ZMYND8: variants seen among roughly 807,000 people sequenced by gnomAD.
The protein encoded by ZMYND8 is zinc finger MYND-type containing 8.
ZMYND8 carries 37 observed loss-of-function variants against 140.8 expected under a neutral mutation model. That is an observed-to-expected ratio of 0.26 (90% CI 0.20 to 0.35). ZMYND8 has a LOEUF of 0.35. Among genes scored for constraint, ZMYND8 ranks in the 10% least tolerant of loss-of-function variants. ZMYND8 has a pLI of 1.00. For missense variants in ZMYND8, 1,068 were observed against 1,570.0 expected (o/e 0.68, Z 5.40); for synonymous variants, 592 against 597.1 (o/e 0.99, Z 0.12).
chr20:47,242,108 C>T (rs1453358488), intron 14 of ZMYND8, among the ~76,000 whole-genome samples: 2 of 152,142 alleles, frequency 1.3e-5, no homozygotes, highest in Non-Finnish European at 2.9e-5. Flanking sequence ...TGAGCCGCTG[C>T]GCCCGGCCTA....
chr20:47,278,618 G>A (rs754655883), intron 10 of ZMYND8, among the ~76,000 whole-genome samples: 1 of 151,834 alleles, frequency 6.6e-6, no homozygotes, highest in Non-Finnish European at 1.5e-5. Context: ...TGCAAGTCTC[G>A]GTGACACCAG....
At chr20:47,238,110 C>T (rs2039470010) in intron 15 of ZMYND8, 1 of 152,970 alleles carries the variant, frequency 6.5e-6, no homozygotes, top group South Asian at 2.1e-4. Context: ...TGCAGCACTG[C>T]TCACAGTAGA....
At chr20:47,258,191 A>C (rs912564706) in intron 12 of ZMYND8, among the ~76,000 whole-genome samples, 1 of 152,142 alleles carries the variant, frequency 6.6e-6, no homozygotes, top group Admixed American at 6.6e-5. Flanking sequence ...CCTGACCCCC[A>C]AAAAAGCTGA....
At chr20:47,261,550 TATCATCATCATCATCATC>T (rs10563094) in intron 12 of ZMYND8, among the ~76,000 whole-genome samples, 17 of 118,702 alleles carry the variant, frequency 1.4e-4, no homozygotes, top group Admixed American at 6.6e-4. Flanking sequence ...AAAAAACAGT[TATCATCATCATCATCATC>T]ATCATCATCA....
intron 3 of ZMYND8, among the ~76,000 whole-genome samples, chr20:47,307,392 A>G (rs2078574407): frequency 6.6e-6 from 1 of 152,016 alleles, no homozygotes; most frequent in African/African-American, 2.4e-5. Flanking sequence ...CAGGAGGCAG[A>G]GGTTGCAGTG....
intron 1 of ZMYND8, chr20:47,351,683 G>A (rs1405035973): frequency 1.0e-6 from 1 of 985,240 alleles, no homozygotes; most frequent in African/African-American, 1.7e-5. Context: ...GGAATGGTTA[G>A]CAGAGCAGCT....
chr20:47,242,735 A>G (rs2147243385), intron 14 of ZMYND8, among the ~76,000 whole-genome samples: 1 of 152,310 alleles, frequency 6.6e-6, no homozygotes, highest in East Asian at 1.9e-4. Context: ...ACAATCCGAT[A>G]AGATTCCAGG....
intron 11 of ZMYND8, among the ~76,000 whole-genome samples, chr20:47,273,309 A>C (rs1263978980): frequency 6.6e-6 from 1 of 152,074 alleles, no homozygotes; most frequent in East Asian, 1.9e-4. Flanking sequence ...ACCTCGGGAG[A>C]CTGAGGCGGG....
intron 2 of ZMYND8, among the ~76,000 whole-genome samples, chr20:47,345,811 CTTT>C (rs1375805198): frequency 1.2e-5 from 1 of 85,762 alleles, no homozygotes; most frequent in Non-Finnish European, 2.4e-5. Flanking sequence ...ACTCTGTCCA[CTTT>C]TTTTTTTTTA....
intron 15 of ZMYND8, chr20:47,237,492 G>A (rs1474430175): frequency 6.6e-6 from 1 of 152,024 alleles, no homozygotes; most frequent in Non-Finnish European, 1.5e-5. Context: ...CCCTGGGGAA[G>A]TCTCCTGCTT....
chr20:47,298,591 G>GA lies in ZMYND8; in HGVS notation c.453+137dup. 6.8e-7 allele frequency: 1 copy of GA among 1,477,224 alleles called. No individual in the cohort carries two copies. The highest frequency in any genetic ancestry group is 9.0e-7 in the Non-Finnish European group (1 of 1,113,870). The allele number at this position is 1,477,224 out of a possible 1,614,324, so 91.5% of individuals were successfully genotyped here. ...TGCCGGTGTTGGTCAAGAAGGGGGT[G>GA]ACCAGGATAGAACAGGTGGAAAGCA... On this transcript the variant is annotated intron_variant, in intron 4 of 22. Coordinates refer to ENST00000471951, the MANE Select transcript of ZMYND8 (RefSeq NM_001281775.3). This position sits in a 1 kb window ranked among gnomAD's most constrained non-coding sequence, Gnocchi z 5.0.
intron 2 of ZMYND8, chr20:47,318,457 A>C: frequency 2.9e-6 from 1 of 340,032 alleles, no homozygotes; most frequent in African/African-American, 2.1e-5. Flanking sequence ...CCAACCAGTA[A>C]TTACATCATA....
intron 10 of ZMYND8, among the ~76,000 whole-genome samples, chr20:47,279,425 G>A (rs1257874286): frequency 6.6e-6 from 1 of 151,586 alleles, no homozygotes; most frequent in Admixed American, 6.6e-5. Flanking sequence ...GCAACAAAGC[G>A]AGACCCCGCC....
At position 47,236,200 on chromosome 20, in the gene ZMYND8, A is replaced by T. The variant is rs181064111; in HGVS notation, c.2856+126T>A. 3.8e-4 allele frequency: 433 copies of T among 1,148,488 alleles called. 2 individuals carry two copies. The African/African-American group carries it at 6.1e-3, about 16-fold the overall frequency. 71.1% of individuals were successfully genotyped at this position (1,148,488 alleles called of 1,614,324 possible). On this transcript the variant is annotated intron_variant, in intron 16 of 22. Transcript: ENST00000471951. ...CGTGGTCTTGGAGATTCTGTTTTTA[A>T]AAAAAAGGGTCTTCACTCCCTAAAG...
chr20:47,246,133 G>C lies in ZMYND8; in HGVS notation c.2159C>G (p.Thr720Arg). ...LKGKDETDSP[T>R]VHLGLDSDSE... ...ATCAGAGTCCAGGCCCAAATGGACT[G>C]TTGGGGAATCCGTCTCATCTTTTCC... The change falls in exon 14 of 23, where the codon ACA becomes AGA. Residue 720 changes from threonine to arginine, a missense_variant. Physicochemically the swap from Thr to Arg is moderately conservative, Grantham distance 71. Around this residue, in one of 10 missense-constraint regions of ZMYND8, gnomAD observed 383 missense variants for 431.2 expected, o/e 0.89. Coordinates refer to ENST00000471951, the MANE Select transcript of ZMYND8 (RefSeq NM_001281775.3). 6.2e-7 allele frequency: 1 copy of C among 1,614,222 alleles called. No homozygotes were observed. The highest frequency in any genetic ancestry group is 8.5e-7 in the Non-Finnish European group (1 of 1,180,044).
intron 7 of ZMYND8, 35 bp downstream of exon 7, chr20:47,290,152 C>T: frequency 6.3e-7 from 1 of 1,591,852 alleles, no homozygotes; most frequent in Non-Finnish European, 8.6e-7. Context: ...ACATACACAG[C>T]ATACTCTTTC....
chr20:47,221,487 G>T lies in ZMYND8; in HGVS notation c.3257-13C>A. On this transcript the variant is annotated splice_polypyrimidine_tract_variant and intron_variant, in intron 19 of 22. Transcript: ENST00000471951. Reference sequence around the variant, plus strand: ...TGAGGAGCAGTAGCTGGGGACAAAGGAGAGAGAGAGACGCCACATATACAC... The same window carrying T: ...TGAGGAGCAGTAGCTGGGGACAAAGTAGAGAGAGAGACGCCACATATACAC... The T allele has an allele frequency of 6.2e-7, 1 of 1,607,282 alleles. No individual in the cohort carries two copies. Among genetic ancestry groups the T allele is most frequent in the South Asian group, 1.1e-5 (1 of 90,584 alleles).
intron 11 of ZMYND8, among the ~76,000 whole-genome samples, chr20:47,270,573 G>A (rs2075856302): frequency 6.6e-6 from 1 of 151,042 alleles, no homozygotes; most frequent in South Asian, 2.1e-4. Flanking sequence ...GTACATAAAA[G>A]TTGATAGCTG....
At chr20:47,243,293 G>T (rs1046670568) in intron 14 of ZMYND8, among the ~76,000 whole-genome samples, 6 of 152,168 alleles carry the variant, frequency 3.9e-5, no homozygotes, top group Non-Finnish European at 8.8e-5. Flanking sequence ...TCTGACACGA[G>T]AATTTTTCAA....
Sources: gnomAD v4.1 joint callset for allele counts (sites outside exome capture counted in the v4.1 genomes callset) on GRCh38, gnomAD v4.1.1 for gene constraint, gnomAD v4.1.1 regional missense constraint, Gnocchi (gnomAD v3.1) non-coding constraint, MANE v1.5 for transcripts, NCBI Gene and HGNC (gene_info 2026-07-23, HGNC 2026-07-21) for gene names.